TAFA5: variants seen among roughly 807,000 people sequenced by gnomAD.
TAFA5 encodes TAFA chemokine like family member 5.
Under a neutral mutation model 15.3 loss-of-function variants are expected in TAFA5, and 6 were observed. The ratio of observed to expected loss-of-function variants is 0.39; its 90% CI spans 0.21 to 0.77. The LOEUF (loss-of-function observed/expected upper bound fraction) is 0.77. Among genes scored for constraint, TAFA5 ranks in the 30% least tolerant of loss-of-function variants. TAFA5 has a pLI of 0.41. For synonymous variants in TAFA5, 103 were observed against 80.7 expected, an observed-to-expected ratio of 1.28 and a Z score of -1.48; for missense variants, 161 against 193.1, an observed-to-expected ratio of 0.83 and a Z score of 0.98.
At chr22:48,576,378 C>T (rs1426702679) in intron 1 of TAFA5, 2 of 1,184,400 alleles carry the variant, frequency 1.7e-6, no homozygotes, top group South Asian at 8.1e-5. Flanking sequence ...GGATGGAGGG[C>T]GCGAGCGGGC....
intron 3 of TAFA5, among the ~76,000 whole-genome samples, chr22:48,727,201 A>G (rs1929740086): frequency 6.6e-6 from 1 of 152,188 alleles, no homozygotes; most frequent in African/African-American, 2.4e-5. Flanking sequence ...GATATAAATG[A>G]TTCCTCTAAC....
At chr22:48,612,655 C>T (rs1364661794) in intron 1 of TAFA5, among the ~76,000 whole-genome samples, 1 of 152,194 alleles carries the variant, frequency 6.6e-6, no homozygotes, top group East Asian at 1.9e-4. Flanking sequence ...CGGAGTGTCT[C>T]CCTTTCCCCG....
chr22:48,560,585 ATTAT>A lies in TAFA5; in HGVS notation c.112+70883_112+70886del, dbSNP rs767926541. Among the ~76,000 whole-genome samples, 1 of 146,644 alleles carries A rather than the reference ATTAT, an allele frequency of 6.8e-6. No individual in the cohort carries two copies. Among genetic ancestry groups the A allele is most frequent in the Admixed American group, 6.8e-5 (1 of 14,632 alleles). On this transcript the variant is annotated intron_variant, in intron 1 of 3. Transcript: ENST00000402357. The surrounding 1 kb of genome is among the most constrained non-coding windows in gnomAD (Gnocchi z 4.2). ...GTTGTATTTTATTATTATTATTATT[ATTAT>A]TATATTATTATTATTAATTATTTAT... is the stretch of plus-strand genomic sequence containing the variant.
chr22:48,673,755 A>G (rs1927876070), intron 2 of TAFA5, among the ~76,000 whole-genome samples: 1 of 152,194 alleles, frequency 6.6e-6, no homozygotes. Flanking sequence ...GCATGGGGCC[A>G]GGTTATTTTT....
At chr22:48,671,601 C>T (rs1391997115) in intron 2 of TAFA5, among the ~76,000 whole-genome samples, 3 of 152,144 alleles carry the variant, frequency 2.0e-5, no homozygotes, top group African/African-American at 7.2e-5. Context: ...AGGAACCTGC[C>T]ATCCCAGTCA....
chr22:48,556,182 TTGTCCTGGGGAGGCTCCCAGGGGAC>T (rs1463464913), intron 1 of TAFA5, among the ~76,000 whole-genome samples: 1 of 152,018 alleles, frequency 6.6e-6, no homozygotes, highest in Non-Finnish European at 1.5e-5. Context: ...GGAGAAGAAT[TTGTCCTGGGGAGGCTCCCAGGGGAC>T]TGTGAGAAGA....
Position 48,552,435 on chromosome 22 carries a change from G to A in TAFA5, c.112+62731G>A, listed in dbSNP as rs1272996724. On this transcript the variant is annotated intron_variant, in intron 1 of 3. Transcript: ENST00000402357. The surrounding 1 kb of genome is among the most constrained non-coding windows in gnomAD (Gnocchi z 4.1). ...GTAGCTGCTGGCTGACTCTGTCAGC[G>A]CTGCCTGCTGTGGGAAGCCCTTATG... 7.2e-5 allele frequency among the ~76,000 whole-genome samples: 11 copies of A among 152,102 alleles called. No homozygotes were observed. Among genetic ancestry groups the A allele is most frequent in the Non-Finnish European group, 1.5e-4 (10 of 68,008 alleles).
intron 3 of TAFA5, among the ~76,000 whole-genome samples, chr22:48,736,915 G>A (rs1164838671): frequency 2.0e-5 from 3 of 149,940 alleles, no homozygotes; most frequent in Admixed American, 6.6e-5. Flanking sequence ...GGTGATGGTC[G>A]CCCAACCTGG....
chr22:48,650,591 A>G (rs1569064166), intron 2 of TAFA5, among the ~76,000 whole-genome samples: 1 of 152,140 alleles, frequency 6.6e-6, no homozygotes, highest in Non-Finnish European at 1.5e-5. Context: ...CAGTGGTTAG[A>G]GAGGAATTCT....
In TAFA5 at chr22:48,496,568, TG is replaced by T. The variant is rs1374579851; in HGVS notation, c.112+6869del. Among the ~76,000 whole-genome samples the T allele has an allele frequency of 2.0e-5, 3 of 152,094 alleles. No homozygotes were observed. In the South Asian group the frequency reaches 6.2e-4, roughly 32 times the overall value. ...GGAGTCAGGGACGCCTGACCAGCTG[TG>T]GGGGACAGAGGAGGGCCCACTTGTG... On this transcript the variant is annotated intron_variant, in intron 1 of 3. Coordinates refer to ENST00000402357, the MANE Select transcript of TAFA5 (RefSeq NM_001082967.3).
intron 3 of TAFA5, among the ~76,000 whole-genome samples, chr22:48,720,543 G>A (rs558328303): frequency 9.2e-5 from 14 of 152,216 alleles, no homozygotes; most frequent in African/African-American, 3.4e-4. Context: ...CGGGGACTGC[G>A]GCAAGGTGCT....
At chr22:48,670,534 C>T (rs990098725) in intron 2 of TAFA5, among the ~76,000 whole-genome samples, 3 of 152,210 alleles carry the variant, frequency 2.0e-5, no homozygotes, top group South Asian at 2.1e-4. Context: ...CTCCCGGCCC[C>T]GCACTGAGGC....
chr22:48,505,897 G>T (rs1920989921), intron 1 of TAFA5, among the ~76,000 whole-genome samples: 1 of 152,174 alleles, frequency 6.6e-6, no homozygotes. Flanking sequence ...AACCAGCTGG[G>T]GCATAAACTG....
intron 1 of TAFA5, among the ~76,000 whole-genome samples, chr22:48,551,972 C>G (rs1922871756): frequency 6.6e-6 from 1 of 152,212 alleles, no homozygotes; most frequent in Non-Finnish European, 1.5e-5. Context: ...TGATTGAGAG[C>G]ACGGGCTCCT....
intron 3 of TAFA5, among the ~76,000 whole-genome samples, chr22:48,737,016 T>C (rs1301547178): frequency 6.6e-6 from 1 of 152,172 alleles, no homozygotes; most frequent in African/African-American, 2.4e-5. Flanking sequence ...AGCCTGGTAT[T>C]TGAGGCAGAG....
At chr22:48,674,770 T>C (rs1393539049) in intron 2 of TAFA5, among the ~76,000 whole-genome samples, 1 of 152,144 alleles carries the variant, frequency 6.6e-6, no homozygotes, top group Non-Finnish European at 1.5e-5. Flanking sequence ...ATGGGAGATT[T>C]GCAGCATTAG....
rs376121327 is a variant in TAFA5, at chr22:48,749,980, G to A, written c.*133G>A. The A allele has an allele frequency of 2.2e-5, 20 of 892,526 alleles. No individual in the cohort carries two copies. The highest frequency in any genetic ancestry group is 7.9e-5 in the East Asian group (3 of 37,904). 55.3% of individuals were successfully genotyped at this position (892,526 alleles called of 1,614,324 possible). On this transcript the variant is annotated 3_prime_UTR_variant, in exon 4 of 4. Coordinates refer to ENST00000402357, the MANE Select transcript of TAFA5 (RefSeq NM_001082967.3). ...CGCCCACTCCGTTTCCCTGTGGTCCGTGAAGGACGGCCTCAGGCCTTGGCA... is the reference window on the plus strand; with the variant it reads ...CGCCCACTCCGTTTCCCTGTGGTCCATGAAGGACGGCCTCAGGCCTTGGCA...
intron 1 of TAFA5, among the ~76,000 whole-genome samples, chr22:48,597,024 C>T (rs1468065251): frequency 2.6e-5 from 4 of 152,228 alleles, no homozygotes; most frequent in South Asian, 2.1e-4. Flanking sequence ...CCTAGCTGGT[C>T]TCGAACTCCT....
In TAFA5 at chr22:48,566,213, G is replaced by T. The variant is rs983157833; in HGVS notation, c.112+76509G>T. Among the ~76,000 whole-genome samples, 2 of 151,732 alleles carry T rather than the reference G, an allele frequency of 1.3e-5. No homozygotes were observed. Among genetic ancestry groups the T allele is most frequent in the Admixed American group, 6.6e-5 (1 of 15,232 alleles). Reference sequence around the variant, plus strand: ...TGGATGGGTGGATGGTGGATGATGGGTGGATGGTAGGTAGATGGATGATGG... The same window carrying T: ...TGGATGGGTGGATGGTGGATGATGGTTGGATGGTAGGTAGATGGATGATGG... On this transcript the variant is annotated intron_variant, in intron 1 of 3. Coordinates refer to ENST00000402357, the MANE Select transcript of TAFA5 (RefSeq NM_001082967.3). The surrounding 1 kb of genome is among the most constrained non-coding windows in gnomAD (Gnocchi z 4.5).
Sources: gnomAD v4.1 joint callset for allele counts (sites outside exome capture counted in the v4.1 genomes callset) on GRCh38, gnomAD v4.1.1 for gene constraint, Gnocchi (gnomAD v3.1) non-coding constraint, MANE v1.5 for transcripts, NCBI Gene and HGNC (gene_info 2026-07-23, HGNC 2026-07-21) for gene names.